Variants in NIPAL4 observed in about 807,000 individuals in gnomAD.
NIPAL4 encodes the protein NIPA like domain containing 4.
In NIPAL4, 21 loss-of-function variants were observed where a neutral mutation model predicts 31.6. That is an observed-to-expected ratio of 0.67 (90% CI 0.47 to 0.96). The LOEUF is 0.96. NIPAL4 is among the 40% of genes least tolerant of loss of function. NIPAL4 has a pLI of 0.00. For missense variants in NIPAL4, 438 were observed against 508.0 expected, an observed-to-expected ratio of 0.86 and a Z score of 1.32; for synonymous variants, 175 against 211.1, an observed-to-expected ratio of 0.83 and a Z score of 1.48.
chr5:157,471,870 T>C, intron 5 of NIPAL4, 53 bp downstream of exon 5: 1 of 1,400,216 alleles, frequency 7.1e-7, no homozygotes. Flanking sequence ...GAACACCCCC[T>C]ACTACCCCAC....
intron 2 of NIPAL4, among the ~76,000 whole-genome samples, chr5:157,466,277 G>A (rs1754269339): frequency 6.6e-6 from 1 of 152,182 alleles, no homozygotes; most frequent in Non-Finnish European, 1.5e-5. Flanking sequence ...ATCGTTTTTG[G>A]AGAGCTAAGA....
chr5:157,462,121 C>A (rs1163382205), intron 1 of NIPAL4, among the ~76,000 whole-genome samples: 1 of 152,194 alleles, frequency 6.6e-6, no homozygotes, highest in Non-Finnish European at 1.5e-5. Flanking sequence ...CCAGAGGTAA[C>A]AAACTCAGAT....
At chr5:157,466,607 CAG>C (rs1754281790) in intron 2 of NIPAL4, among the ~76,000 whole-genome samples, 1 of 152,138 alleles carries the variant, frequency 6.6e-6, no homozygotes, top group South Asian at 2.1e-4. Context: ...TTTTTGGAGA[CAG>C]AGTTATCAGG....
At chr5:157,468,869 C>T in intron 4 of NIPAL4, 57 bp downstream of exon 4, 1 of 1,231,078 alleles carries the variant, frequency 8.1e-7, no homozygotes, top group East Asian at 2.4e-5. Flanking sequence ...TTTGTTGAGG[C>T]CTGGAATTGC....
chr5:157,460,216 T>G lies in NIPAL4; in HGVS notation c.-105T>G, dbSNP rs1456425195. 6.0e-6 allele frequency: 9 copies of G among 1,489,978 alleles called. No homozygotes were observed. The East Asian group carries it at 2.4e-4, about 39-fold the overall frequency. The allele number at this position is 1,489,978 out of a possible 1,614,324, so 92.3% of individuals were successfully genotyped here. On this transcript the variant is annotated 5_prime_UTR_variant, in exon 1 of 6. Coordinates refer to ENST00000311946, the MANE Select transcript of NIPAL4 (RefSeq NM_001099287.2). ...ACCCCTGGGTCCGGACCCCGGCGGC[T>G]TCTCGCGCGCGAGCCACGCGGGGGA...
chr5:157,472,591 C>T lies in NIPAL4; in HGVS notation c.846C>T (p.Leu282=). 6.2e-7 allele frequency: 1 copy of T among 1,613,928 alleles called. No homozygotes were observed. The highest frequency in any genetic ancestry group is 8.5e-7 in the Non-Finnish European group (1 of 1,179,878). ...ALSLSTQVNF[L]NRALDIFNTS... ...CCCTCAGCACTCAGGTCAACTTCCT[C>T]AACAGAGCACTGGACATTTTCAACA... is the stretch of plus-strand genomic sequence containing the variant. Residue 282 remains leucine (L), a synonymous_variant, in exon 6 of 6, where the codon CTC becomes CTT. Coordinates refer to ENST00000311946, the MANE Select transcript of NIPAL4 (RefSeq NM_001099287.2).
intron 2 of NIPAL4, among the ~76,000 whole-genome samples, chr5:157,464,559 C>G (rs1754202938): frequency 6.6e-6 from 1 of 151,870 alleles, no homozygotes; most frequent in South Asian, 2.1e-4. Flanking sequence ...GATTCCAAAG[C>G]TAGTTTTTGA....
intron 2 of NIPAL4, among the ~76,000 whole-genome samples, chr5:157,463,889 C>G (rs4704864): frequency 0.37 from 55,938 of 151,956 alleles, 10,685 homozygotes; most frequent in East Asian, 0.72. Flanking sequence ...CAAAATGACT[C>G]ATTCATTTAA....
In NIPAL4 at chr5:157,460,229, G is replaced by T. The variant is rs1341831936; in HGVS notation, c.-92G>T. 1 of 1,503,248 alleles carries T rather than the reference G, an allele frequency of 6.7e-7. No homozygotes were observed. The highest frequency in any genetic ancestry group is 1.3e-5 in the South Asian group (1 of 76,622). The allele number at this position is 1,503,248 out of a possible 1,614,324, so 93.1% of individuals were successfully genotyped here. A position where few individuals can be genotyped will look rare whatever the true frequency, so the allele number is the denominator to read the frequency against. Reference sequence around the variant, plus strand: ...GACCCCGGCGGCTTCTCGCGCGCGAGCCACGCGGGGGACAAGTCGCGGCCA... The same window carrying T: ...GACCCCGGCGGCTTCTCGCGCGCGATCCACGCGGGGGACAAGTCGCGGCCA... On this transcript the variant is annotated 5_prime_UTR_variant, in exon 1 of 6. Coordinates refer to ENST00000311946, the MANE Select transcript of NIPAL4 (RefSeq NM_001099287.2).
chr5:157,468,570 C>T (rs373105976), intron 3 of NIPAL4, among the ~76,000 whole-genome samples, 152 bp from the exon 4 acceptor site: 2 of 152,136 alleles, frequency 1.3e-5, no homozygotes, highest in African/African-American at 2.4e-5. Context: ...GACTGACCTT[C>T]GATCAGACTC....
chr5:157,466,685 A>G (rs1754283729), intron 2 of NIPAL4, among the ~76,000 whole-genome samples: 1 of 152,222 alleles, frequency 6.6e-6, no homozygotes, highest in Non-Finnish European at 1.5e-5. Context: ...TGGCTTAAGC[A>G]ACTGGATAAA....
intron 2 of NIPAL4, among the ~76,000 whole-genome samples, chr5:157,466,249 C>T (rs371508811): frequency 6.6e-5 from 10 of 152,040 alleles, no homozygotes; most frequent in Non-Finnish European, 1.2e-4. Flanking sequence ...GCAAAGGCCT[C>T]GAGGCAGAAA....
At chr5:157,462,998 C>A (rs1754148567) in intron 1 of NIPAL4, 96 bp from the exon 2 acceptor site, 1 of 1,502,050 alleles carries the variant, frequency 6.7e-7, no homozygotes, top group South Asian at 1.3e-5. Context: ...CCTGCAGTAG[C>A]GGAAGCACAG....
intron 2 of NIPAL4, among the ~76,000 whole-genome samples, chr5:157,465,690 G>A (rs1340446739): frequency 6.6e-6 from 1 of 152,134 alleles, no homozygotes; most frequent in African/African-American, 2.4e-5. Context: ...GAGAAGAGCT[G>A]GGTGTTATGA....
chr5:157,463,475 G>A, intron 2 of NIPAL4, 142 bp downstream of exon 2: 1 of 1,057,324 alleles, frequency 9.5e-7, no homozygotes, highest in Non-Finnish European at 1.3e-6. Flanking sequence ...TGCCAACAGG[G>A]TTAGGGTTTA....
At chr5:157,471,634 C>A in intron 4 of NIPAL4, 23 bp from the exon 5 acceptor site, 1 of 1,590,218 alleles carries the variant, frequency 6.3e-7, no homozygotes. Flanking sequence ...GCTCTAATCC[C>A]CTTCTCCCAT....
At chr5:157,460,448 G>C in intron 1 of NIPAL4, 91 bp downstream of exon 1, 1 of 1,318,440 alleles carries the variant, frequency 7.6e-7, no homozygotes, top group Non-Finnish European at 1.1e-6. Context: ...TCTCCTCCCA[G>C]GGGGGCCAAA....
At position 157,473,039 on chromosome 5, in the gene NIPAL4, C is replaced by T. The variant is rs9313608; in HGVS notation, c.*79C>T. ...AATTTCAAAACCACCTGGTTATTTT[C>T]CAGTGCAACTGTTACCAATGGGCTC... is the stretch of plus-strand genomic sequence containing the variant. On this transcript the variant is annotated 3_prime_UTR_variant, in exon 6 of 6. Coordinates refer to ENST00000311946, the MANE Select transcript of NIPAL4 (RefSeq NM_001099287.2). 76,152 of 1,232,674 alleles carry T rather than the reference C, an allele frequency of 0.062. 2,560 individuals are homozygous for T. The highest frequency in any genetic ancestry group is 0.078 in the Middle Eastern group (387 of 4,964). The allele number at this position is 1,232,674 out of a possible 1,614,324, so 76.4% of individuals were successfully genotyped here. A position where few individuals can be genotyped will look rare whatever the true frequency, so the allele number is the denominator to read the frequency against.
intron 1 of NIPAL4, chr5:157,460,582 A>C: frequency 1.7e-6 from 1 of 584,782 alleles, no homozygotes; most frequent in Non-Finnish European, 3.2e-6. Context: ...GAAGGAAAGT[A>C]TGTCCCCTGG....
Sources: gnomAD v4.1 joint callset for allele counts (sites outside exome capture counted in the v4.1 genomes callset) on GRCh38, gnomAD v4.1.1 for gene constraint, MANE v1.5 for transcripts, NCBI Gene and HGNC (gene_info 2026-07-23, HGNC 2026-07-21) for gene names.